TYW5: variants seen among roughly 807,000 people sequenced by gnomAD.
The protein encoded by TYW5 is tRNA-yW synthesizing protein 5.
In TYW5, 36 loss-of-function variants were observed where a neutral mutation model predicts 44.4. The observed-to-expected ratio is 0.81, with a 90% CI of 0.62 to 1.07. The LOEUF (loss-of-function observed/expected upper bound fraction) is 1.07, where lower values mean the gene tolerates loss of function less well. Among genes scored for constraint, TYW5 ranks in the 50% least tolerant of loss-of-function variants. TYW5 has a pLI of 0.00. For missense variants in TYW5, 354 were observed against 365.7 expected, an observed-to-expected ratio of 0.97 and a Z score of 0.26; for synonymous variants, 121 against 128.1, an observed-to-expected ratio of 0.94 and a Z score of 0.37.
chr2:199,951,393 A>G lies in TYW5; in HGVS notation c.79-2921T>C, dbSNP rs150850999. Among the ~76,000 whole-genome samples, 110 of 152,332 alleles carry G rather than the reference A, an allele frequency of 7.2e-4. 1 individual carries two copies. Among genetic ancestry groups the G allele is most frequent in the Admixed American group, 2.0e-3 (30 of 15,298 alleles). On this transcript the variant is annotated intron_variant, in intron 1 of 7. Transcript: ENST00000354611. ...TGGGTAACTTCTCCCTCTCCCACTT[A>G]AACAGATTCATGTGTTACTTTTTAT...
chr2:199,949,446 T>A (rs1184972857), intron 1 of TYW5, among the ~76,000 whole-genome samples: 1 of 152,190 alleles, frequency 6.6e-6, no homozygotes, highest in African/African-American at 2.4e-5. Flanking sequence ...TTGCTAATTG[T>A]CCCAATGATT....
At chr2:199,953,596 T>C (rs1280520097) in intron 1 of TYW5, among the ~76,000 whole-genome samples, 2 of 152,236 alleles carry the variant, frequency 1.3e-5, no homozygotes, top group Non-Finnish European at 2.9e-5. Context: ...TAGGTATTTC[T>C]GCACTTTCTA....
chr2:199,946,841 G>A (rs2077507604), intron 2 of TYW5: 1 of 152,144 alleles, frequency 6.6e-6, no homozygotes, highest in Admixed American at 6.5e-5. Flanking sequence ...AAGGCTTGGA[G>A]GAAGCTGTGA....
Position 199,944,152 on chromosome 2 carries a change from A to G in TYW5, c.234-318T>C, listed in dbSNP as rs533207934. On this transcript the variant is annotated intron_variant, in intron 2 of 7. Coordinates refer to ENST00000354611, the MANE Select transcript of TYW5 (RefSeq NM_001039693.3). ...TTCTATGGTATCTGATTACCTTTGT[A>G]AATACACAGACTTTCAGGTTCTGAT... 3 of 198,258 alleles carry G rather than the reference A, an allele frequency of 1.5e-5. No individual in the cohort carries two copies. The Admixed American group carries it at 1.7e-4, about 11-fold the overall frequency. 12.3% of individuals were successfully genotyped at this position (198,258 alleles called of 1,614,324 possible). A position where few individuals can be genotyped will look rare whatever the true frequency, so the allele number is the denominator to read the frequency against.
intron 1 of TYW5, 166 bp downstream of exon 1, chr2:199,955,226 TC>T: frequency 1.6e-6 from 1 of 635,954 alleles, no homozygotes; most frequent in South Asian, 2.5e-5. Context: ...CCAGTCGGCG[TC>T]CCCCGTGCAC....
chr2:199,940,216 GTA>G (rs1180387554), intron 3 of TYW5, 83 bp from the exon 4 acceptor site: 2 of 1,233,208 alleles, frequency 1.6e-6, no homozygotes, highest in Non-Finnish European at 2.3e-6. Context: ...TAGCTATCAT[GTA>G]TTCATAATAA....
chr2:199,948,831 C>T (rs192303162), intron 1 of TYW5, among the ~76,000 whole-genome samples: 20 of 152,142 alleles, frequency 1.3e-4, no homozygotes, highest in African/African-American at 2.2e-4. Context: ...CGCTTTACCC[C>T]GATTCACCAA....
chr2:199,933,377 C>A (rs1027829473), intron 7 of TYW5, 54 bp from the exon 8 acceptor site: 63 of 1,456,784 alleles, frequency 4.3e-5, no homozygotes, highest in African/African-American at 2.1e-4. Context: ...TAAAAAAAAA[C>A]CCAAAATGTC....
intron 1 of TYW5, among the ~76,000 whole-genome samples, chr2:199,948,704 C>T (rs1269575424): frequency 6.6e-6 from 1 of 152,120 alleles, no homozygotes; most frequent in Non-Finnish European, 1.5e-5. Context: ...GCAAGACCAT[C>T]AATATATAAT....
intron 1 of TYW5, among the ~76,000 whole-genome samples, chr2:199,954,597 G>A (rs2077578402): frequency 6.6e-6 from 1 of 152,000 alleles, no homozygotes; most frequent in African/African-American, 2.4e-5. Flanking sequence ...ACCATGCCCG[G>A]CTAATTTTGT....
chr2:199,939,599 T>G (rs1574798574), intron 4 of TYW5, among the ~76,000 whole-genome samples: 1 of 152,200 alleles, frequency 6.6e-6, no homozygotes, highest in South Asian at 2.1e-4. Context: ...ATCACCTACA[T>G]AAAACCTGTG....
intron 2 of TYW5, chr2:199,944,267 A>G (rs1381376781): frequency 6.4e-6 from 1 of 157,316 alleles, no homozygotes; most frequent in Non-Finnish European, 1.4e-5. Flanking sequence ...CAGTACACAA[A>G]TGGTCCCATG....
intron 3 of TYW5, among the ~76,000 whole-genome samples, chr2:199,940,857 T>C (rs1402234846): frequency 6.6e-6 from 1 of 152,156 alleles, no homozygotes; most frequent in Non-Finnish European, 1.5e-5. Context: ...AATATAAATG[T>C]ACAGTAACAG....
intron 1 of TYW5, among the ~76,000 whole-genome samples, chr2:199,950,778 A>G (rs2077538830): frequency 6.6e-6 from 1 of 152,216 alleles, no homozygotes; most frequent in South Asian, 2.1e-4. Context: ...GAACTGAAAT[A>G]AGCAGGTTGG....
At position 199,940,142 on chromosome 2, in the gene TYW5, C is replaced by T. The variant is rs1222172680; in HGVS notation, c.304-9G>A. 1 of 1,611,062 alleles carries T rather than the reference C, an allele frequency of 6.2e-7. No individual in the cohort carries two copies. The highest frequency in any genetic ancestry group is 1.1e-5 in the South Asian group (1 of 90,674). ...AAGTAGTATTTCTCATCCTTAAACA[C>T]CCCAGAGAAAAATAACATCAGCAAT... On this transcript the variant is annotated splice_polypyrimidine_tract_variant and intron_variant, in intron 3 of 7. Coordinates refer to ENST00000354611, the MANE Select transcript of TYW5 (RefSeq NM_001039693.3).
At chr2:199,943,907 T>C (rs2077484694) in intron 2 of TYW5, 73 bp from the exon 3 acceptor site, 1 of 1,096,362 alleles carries the variant, frequency 9.1e-7, no homozygotes, top group Non-Finnish European at 1.3e-6. Flanking sequence ...TCACTATACA[T>C]AAAGGCTTGC....
At position 199,933,099 on chromosome 2, in the gene TYW5, G is replaced by T; in HGVS notation, c.916C>A (p.Gln306Lys). 6.2e-7 allele frequency: 1 copy of T among 1,613,936 alleles called. No individual in the cohort carries two copies. Among genetic ancestry groups the T allele is most frequent in the Non-Finnish European group, 8.5e-7 (1 of 1,179,970 alleles). The stretch of plus-strand genomic sequence containing the variant: ...GAGTTCTTGCTGTAGGCTTTGTCTT[G>T]AATGTGTAGGACCATTCGTCGTGCA... ...FYARRMVLHIQDKAYSKNSE is the reference protein window; with the variant it reads ...FYARRMVLHIKDKAYSKNSE The change falls in exon 8 of 8, where the codon CAA (glutamine) becomes AAA (lysine). Residue 306 changes from glutamine (Q) to lysine (K), a missense_variant. Transcript: ENST00000354611.
rs1238547708 is a variant in TYW5, at chr2:199,931,473, T to G, written c.*1594A>C. The G allele has an allele frequency of 1.3e-5, 2 of 152,146 alleles. No homozygotes were observed. The highest frequency in any genetic ancestry group is 4.8e-5 in the African/African-American group (2 of 41,446). 9.4% of individuals were successfully genotyped at this position (152,146 alleles called of 1,614,324 possible). A position where few individuals can be genotyped will look rare whatever the true frequency, so the allele number is the denominator to read the frequency against. ...AACTGACCATAAATAATGTGTAAAC[T>G]AAGGAGAGTTTTGTCTTTTTCCTTA... On this transcript the variant is annotated 3_prime_UTR_variant, in exon 8 of 8. Coordinates refer to ENST00000354611, the MANE Select transcript of TYW5 (RefSeq NM_001039693.3).
intron 5 of TYW5, among the ~76,000 whole-genome samples, chr2:199,937,331 T>C (rs1282008736): frequency 1.3e-5 from 2 of 152,038 alleles, no homozygotes; most frequent in African/African-American, 2.4e-5. Flanking sequence ...CATTCTATTA[T>C]AATTCAAGGT....
Sources: gnomAD v4.1 joint callset for allele counts (sites outside exome capture counted in the v4.1 genomes callset) on GRCh38, gnomAD v4.1.1 for gene constraint, MANE v1.5 for transcripts, NCBI Gene and HGNC (gene_info 2026-07-23, HGNC 2026-07-21) for gene names.